Variants in DOCK5 observed in about 807,000 individuals in gnomAD.
DOCK5 encodes dedicator of cytokinesis 5, also known as dedicator of cytokinesis protein 5.
DOCK5 carries 142 observed loss-of-function variants against 251.8 expected under a neutral mutation model. The ratio of observed to expected loss-of-function variants is 0.56; its 90% confidence interval spans 0.49 to 0.65. The LOEUF (loss-of-function observed/expected upper bound fraction) is 0.65. Ranked by LOEUF, DOCK5 falls within the 30% of genes least tolerant of loss-of-function variation. The probability of loss-of-function intolerance (pLI) is 0.00; values close to 1 mark genes in which losing one functional copy is unlikely to be tolerated. For missense variants in DOCK5, 2,111 were observed against 2,312.3 expected (o/e 0.91, Z 1.79); for synonymous variants, 842 against 835.5 (o/e 1.01, Z -0.13).
chr8:25,322,375 C>A (rs1280400033), intron 16 of DOCK5, among the ~76,000 whole-genome samples: 1 of 152,204 alleles, frequency 6.6e-6, no homozygotes, highest in Admixed American at 6.5e-5. Context: ...TTAGCTGAGA[C>A]TTGAAGGTGA....
At chr8:25,254,157 A>G (rs1280845140) in intron 2 of DOCK5, among the ~76,000 whole-genome samples, 1 of 152,212 alleles carries the variant, frequency 6.6e-6, no homozygotes, top group Non-Finnish European at 1.5e-5. Flanking sequence ...TTTTTAACAA[A>G]TCGTGCTGGA....
At chr8:25,188,115 G>A (rs996230825) in intron 1 of DOCK5, among the ~76,000 whole-genome samples, 2 of 152,134 alleles carry the variant, frequency 1.3e-5, no homozygotes, top group Non-Finnish European at 2.9e-5. Flanking sequence ...GTAATTGAAT[G>A]CAGTTTTTTC....
At chr8:25,257,155 C>T (rs1422359942) in intron 2 of DOCK5, among the ~76,000 whole-genome samples, 1 of 152,098 alleles carries the variant, frequency 6.6e-6, no homozygotes, top group Non-Finnish European at 1.5e-5. Context: ...AATAGAGCCC[C>T]CCACAGCACA....
At chr8:25,246,206 C>T (rs914322665) in intron 2 of DOCK5, among the ~76,000 whole-genome samples, 1 of 152,154 alleles carries the variant, frequency 6.6e-6, no homozygotes, top group Non-Finnish European at 1.5e-5. Context: ...CTCCTGGCTC[C>T]ACAAGGCCAT....
chr8:25,395,030 G>A (rs567199261), intron 44 of DOCK5, among the ~76,000 whole-genome samples: 70 of 152,120 alleles, frequency 4.6e-4, no homozygotes, highest in Admixed American at 7.9e-4. Context: ...TTATTATATT[G>A]TAACACATAT....
At chr8:25,224,943 G>A (rs1222881632) in intron 1 of DOCK5, among the ~76,000 whole-genome samples, 3 of 152,072 alleles carry the variant, frequency 2.0e-5, no homozygotes, top group Non-Finnish European at 2.9e-5. Context: ...TTGAAAAGAC[G>A]TTTCTTCAAA....
chr8:25,318,238 C>T (rs1303040466), intron 14 of DOCK5, among the ~76,000 whole-genome samples: 1 of 128,822 alleles, frequency 7.8e-6, no homozygotes, highest in African/African-American at 2.9e-5. Flanking sequence ...CAGGTGCTCG[C>T]CACCATGCTC....
At chr8:25,225,674 C>T (rs1322769513) in intron 1 of DOCK5, among the ~76,000 whole-genome samples, 1 of 150,046 alleles carries the variant, frequency 6.7e-6, no homozygotes, top group Non-Finnish European at 1.5e-5. Context: ...TCACTGCACT[C>T]TGGCCTGGGC....
intron 2 of DOCK5, among the ~76,000 whole-genome samples, chr8:25,247,825 G>A (rs1314755675): frequency 1.3e-5 from 2 of 152,122 alleles, no homozygotes; most frequent in Non-Finnish European, 2.9e-5. Context: ...CTCACACTAC[G>A]ATATGCTTGT....
intron 12 of DOCK5, 38 bp from the exon 13 acceptor site, chr8:25,310,369 T>C: frequency 6.3e-7 from 1 of 1,579,498 alleles, no homozygotes; most frequent in Non-Finnish European, 8.6e-7. Context: ...TTATACATCA[T>C]ACAAAGAACT....
intron 1 of DOCK5, among the ~76,000 whole-genome samples, chr8:25,202,038 A>G (rs959565682): frequency 1.3e-5 from 2 of 152,254 alleles, no homozygotes; most frequent in East Asian, 3.9e-4. Context: ...TCTCTTTGAG[A>G]CAGAGTCTCG....
rs906075670 is a variant in DOCK5 at position 25,292,703 on chromosome 8, A to G, written c.470+531A>G. On this transcript the variant is annotated intron_variant, in intron 6 of 51. Coordinates refer to ENST00000276440, the MANE Select transcript of DOCK5 (RefSeq NM_024940.8). ...CAGTGAGCCATGATTGCATGCCTGC[A>G]CTCCAGCCTGGGCAACAGAGTGAGA... Among the ~76,000 whole-genome samples, 9 of 152,236 alleles carry G rather than the reference A, an allele frequency of 5.9e-5. No homozygotes were observed. The East Asian group carries it at 1.7e-3, about 29-fold the overall frequency.
At chr8:25,189,046 CTTTTTT>C (rs869176300) in intron 1 of DOCK5, among the ~76,000 whole-genome samples, 11 of 33,452 alleles carry the variant, frequency 3.3e-4, no homozygotes, top group African/African-American at 5.4e-4. Context: ...TTCTTTCTTT[CTTTTTT>C]TTTTTTTTTT....
intron 2 of DOCK5, among the ~76,000 whole-genome samples, chr8:25,253,375 A>G (rs1008546861): frequency 8.6e-5 from 9 of 104,568 alleles, no homozygotes; most frequent in African/African-American, 3.7e-4. Context: ...TTGGACCGCA[A>G]CAGATCTTGG....
rs745860086 is a variant in DOCK5 at position 25,254,773 on chromosome 8, C to CAAAAAAAAAAAAAAAA, written c.127+11025_127+11026insAAAAAAAAAAAAAAAA. Among the ~76,000 whole-genome samples, 2 of 6,558 alleles carry CAAAAAAAAAAAAAAAA rather than the reference C, an allele frequency of 3.0e-4. 1 individual carries two copies. Among genetic ancestry groups the CAAAAAAAAAAAAAAAA allele is most frequent in the Non-Finnish European group, 5.7e-4 (2 of 3,534 alleles). 4.3% of individuals were successfully genotyped at this position (6,558 alleles called of 152,430 possible). A position where few individuals can be genotyped will look rare whatever the true frequency, so the allele number is the denominator to read the frequency against. On this transcript the variant is annotated intron_variant, in intron 2 of 51. Transcript: ENST00000276440. ...CTGGCGACAAAGCAAGACTTTGTCT[C>CAAAAAAAAAAAAAAAA]AAAAAAAAACAAAACAAAACAAAAA...
At chr8:25,271,414 A>G (rs952056953) in intron 3 of DOCK5, among the ~76,000 whole-genome samples, 3 of 152,228 alleles carry the variant, frequency 2.0e-5, no homozygotes, top group South Asian at 2.1e-4. Context: ...TTCAGTTGCC[A>G]TGAATTCTGC....
chr8:25,301,805 A>C (rs1344231387), intron 9 of DOCK5, among the ~76,000 whole-genome samples: 1 of 152,240 alleles, frequency 6.6e-6, no homozygotes, highest in Admixed American at 6.5e-5. Context: ...ATAAGCTCTC[A>C]ATAGAGACCT....
intron 5 of DOCK5, among the ~76,000 whole-genome samples, chr8:25,287,465 G>A (rs1380556194): frequency 6.6e-6 from 1 of 152,030 alleles, no homozygotes; most frequent in African/African-American, 2.4e-5. Context: ...ACTACAAAAA[G>A]TGAGGCTTCA....
rs1030423016 is a variant in DOCK5, at chr8:25,415,404, A to C, written c.*4106A>C. On this transcript the variant is annotated 3_prime_UTR_variant, in exon 52 of 52. Transcript: ENST00000276440. Reference sequence around the variant, plus strand: ...TTTTACAATTAAATTGGAAAAGGTAAGTTTCTCTTTGGTGGGTTGAGAGTT... The same window carrying C: ...TTTTACAATTAAATTGGAAAAGGTACGTTTCTCTTTGGTGGGTTGAGAGTT... 1 of 152,144 alleles carries C rather than the reference A, an allele frequency of 6.6e-6. No individual in the cohort carries two copies. The highest frequency in any genetic ancestry group is 2.1e-4 in the South Asian group (1 of 4,828). 9.4% of individuals were successfully genotyped at this position (152,144 alleles called of 1,614,324 possible).
Sources: gnomAD v4.1 joint callset for allele counts (sites outside exome capture counted in the v4.1 genomes callset) on GRCh38, gnomAD v4.1.1 for gene constraint, MANE v1.5 for transcripts, NCBI Gene and HGNC (gene_info 2026-07-23, HGNC 2026-07-21) for gene names.